Variants in SEL1L observed in about 807,000 individuals in gnomAD.
The protein encoded by SEL1L is SEL1L adaptor subunit of SYVN1 ubiquitin ligase.
Under a neutral mutation model 109.8 loss-of-function variants are expected in SEL1L, and 52 were observed. The ratio of observed to expected loss-of-function variants is 0.47; its 90% CI spans 0.38 to 0.60. The LOEUF (loss-of-function observed/expected upper bound fraction) is 0.60, where lower values mean the gene tolerates loss of function less well. Ranked by LOEUF, SEL1L falls within the 20% of genes least tolerant of loss-of-function variation. SEL1L has a pLI of 0.00. For synonymous variants in SEL1L, 373 were observed against 339.6 expected, an observed-to-expected ratio of 1.10 and a Z score of -1.08; for missense variants, 749 against 962.2, an observed-to-expected ratio of 0.78 and a Z score of 2.93.
chr14:81,510,225 A>G (rs1884406774), intron 3 of SEL1L, among the ~76,000 whole-genome samples: 1 of 152,208 alleles, frequency 6.6e-6, no homozygotes, highest in Non-Finnish European at 1.5e-5. Context: ...TAGATTTAGC[A>G]GTCTGGAGGA....
In SEL1L at chr14:81,492,574, A is replaced by G. The variant is rs756907688; in HGVS notation, c.1186-26T>C. On this transcript the variant is annotated intron_variant, in intron 11 of 20. Coordinates refer to ENST00000336735, the MANE Select transcript of SEL1L (RefSeq NM_005065.6). Reference sequence around the variant, plus strand: ...CTATGAGAAAAGAATTTATTAAAATAATTAGTTTTTAACAGAATCTGCTTT... The same window carrying G: ...CTATGAGAAAAGAATTTATTAAAATGATTAGTTTTTAACAGAATCTGCTTT... 4.7e-6 allele frequency: 7 copies of G among 1,489,878 alleles called. No individual in the cohort carries two copies. The East Asian group carries it at 1.6e-4, about 35-fold the overall frequency. 92.3% of individuals were successfully genotyped at this position (1,489,878 alleles called of 1,614,324 possible).
intron 4 of SEL1L, 28 bp downstream of exon 4, chr14:81,506,046 G>A (rs772981473): frequency 6.2e-7 from 1 of 1,607,402 alleles, no homozygotes; most frequent in South Asian, 1.1e-5. Context: ...AAGCAATGCA[G>A]ATCTGCCTCC....
At chr14:81,479,454 C>G (rs1019428313) in intron 20 of SEL1L, 158 bp downstream of exon 20, 1 of 550,914 alleles carries the variant, frequency 1.8e-6, no homozygotes, top group East Asian at 3.3e-5. Flanking sequence ...TTATCCCTCC[C>G]CTGATAAGGT....
In SEL1L at chr14:81,504,222, T is replaced by C; in HGVS notation, c.593A>G (p.Asn198Ser). ...QTGMKILNGS[N>S]KKSQKREAYR... is the part of the protein sequence containing the mutation. ...CTACTCTCTTTTTTGGCTTTTCTTATTGCTTCCATTAAGGATTTTCATTCC... is the reference window on the plus strand; with the variant it reads ...CTACTCTCTTTTTTGGCTTTTCTTACTGCTTCCATTAAGGATTTTCATTCC... The change falls in exon 5 of 21, where the codon AAT (asparagine) becomes AGT (serine). Residue 198 changes from asparagine to serine, a missense_variant. This residue lies in a region of SEL1L where 366 missense variants were observed against 399.8 expected (regional missense o/e 0.92). Coordinates refer to ENST00000336735, the MANE Select transcript of SEL1L (RefSeq NM_005065.6). 1 of 1,594,050 alleles carries C rather than the reference T, an allele frequency of 6.3e-7. No homozygotes were observed. Among genetic ancestry groups the C allele is most frequent in the Non-Finnish European group, 8.5e-7 (1 of 1,170,320 alleles).
intron 14 of SEL1L, 116 bp from the exon 15 acceptor site, chr14:81,488,058 T>C (rs1385063983): frequency 1.4e-6 from 1 of 706,494 alleles, no homozygotes; most frequent in Non-Finnish European, 2.3e-6. Flanking sequence ...CAAAGAGCCA[T>C]TAAAAAGACC....
intron 3 of SEL1L, among the ~76,000 whole-genome samples, chr14:81,515,744 G>T (rs1404964345): frequency 2.0e-5 from 3 of 152,102 alleles, no homozygotes; most frequent in African/African-American, 7.2e-5. Context: ...GATTCTAAAG[G>T]GTAAGTTTAT....
At chr14:81,515,760 A>T (rs555851517) in intron 3 of SEL1L, among the ~76,000 whole-genome samples, 3 of 152,322 alleles carry the variant, frequency 2.0e-5, no homozygotes, top group African/African-American at 7.2e-5. Context: ...TTTATTACCC[A>T]ATCAGCCGCA....
chr14:81,527,820 T>C (rs1471499035), intron 1 of SEL1L, 82 bp from the exon 2 acceptor site: 3 of 864,990 alleles, frequency 3.5e-6, no homozygotes, highest in Non-Finnish European at 5.6e-6. Flanking sequence ...GTGAAAAGTA[T>C]AGCAAATAAT....
chr14:81,498,374 T>A (rs1276231586), intron 9 of SEL1L, 39 bp downstream of exon 9: 1 of 1,404,770 alleles, frequency 7.1e-7, no homozygotes, highest in South Asian at 1.3e-5. Flanking sequence ...ATTCCATTTA[T>A]TTTTTTTTCC....
chr14:81,520,701 G>T (rs1026555536), intron 3 of SEL1L, among the ~76,000 whole-genome samples: 26 of 152,144 alleles, frequency 1.7e-4, no homozygotes, highest in African/African-American at 5.3e-4. Flanking sequence ...CACACTGAAG[G>T]TATTTACTAT....
At chr14:81,526,298 A>T (rs1227819177) in intron 3 of SEL1L, among the ~76,000 whole-genome samples, 1 of 152,192 alleles carries the variant, frequency 6.6e-6, no homozygotes, top group African/African-American at 2.4e-5. Flanking sequence ...TAAACACCTA[A>T]ATCAAATTAC....
chr14:81,496,662 C>CT (rs1883763802), intron 10 of SEL1L, among the ~76,000 whole-genome samples: 1 of 152,154 alleles, frequency 6.6e-6, no homozygotes, highest in East Asian at 1.9e-4. Context: ...ATCGCTTGAA[C>CT]CCGGGAAGCG....
chr14:81,480,588 G>A (rs551003767), intron 19 of SEL1L, among the ~76,000 whole-genome samples: 9 of 152,188 alleles, frequency 5.9e-5, no homozygotes, highest in East Asian at 3.9e-4. Context: ...GTGTGGTGGC[G>A]CCTGCCTGTA....
chr14:81,505,257 T>C (rs1884193417), intron 4 of SEL1L, among the ~76,000 whole-genome samples: 3 of 152,240 alleles, frequency 2.0e-5, no homozygotes, highest in Admixed American at 2.0e-4. Context: ...AGTTCACCAA[T>C]TTTTCAAACT....
intron 1 of SEL1L, among the ~76,000 whole-genome samples, chr14:81,530,090 G>A (rs565531991): frequency 6.6e-6 from 1 of 152,294 alleles, no homozygotes; most frequent in Admixed American, 6.5e-5. Flanking sequence ...AAACTGCAAA[G>A]TACCAGAGAT....
rs761733920 is a variant in SEL1L, at chr14:81,487,371, C to G, written c.1632+19G>C. On this transcript the variant is annotated intron_variant, in intron 16 of 20. Transcript: ENST00000336735. ...GGCAAATCAACTCCCTACACACAAG[C>G]TGGTAGGAAAGACCTTACCTCCACT... 4 of 1,553,918 alleles carry G rather than the reference C, an allele frequency of 2.6e-6. No individual in the cohort carries two copies. Among genetic ancestry groups the G allele is most frequent in the East Asian group, 4.6e-5 (2 of 43,196 alleles).
rs1288018876 is a variant in SEL1L, at chr14:81,473,213, T to C, written c.*3759A>G. ...TTTATTTTCTAATCAAAGAGAATAGTGTCAGCCTGTTTCTCAAACCAAATA... is the reference window on the plus strand; with the variant it reads ...TTTATTTTCTAATCAAAGAGAATAGCGTCAGCCTGTTTCTCAAACCAAATA... On this transcript the variant is annotated 3_prime_UTR_variant, in exon 21 of 21. Coordinates refer to ENST00000336735, the MANE Select transcript of SEL1L (RefSeq NM_005065.6). 6.6e-6 allele frequency: 1 copy of C among 152,220 alleles called. No individual in the cohort carries two copies. Among genetic ancestry groups the C allele is most frequent in the Admixed American group, 6.5e-5 (1 of 15,274 alleles). The allele number at this position is 152,220 out of a possible 1,614,324, so 9.4% of individuals were successfully genotyped here.
chr14:81,490,487 C>A (rs746433015), intron 12 of SEL1L, 22 bp from the exon 13 acceptor site: 38 of 1,569,504 alleles, frequency 2.4e-5, no homozygotes, highest in Admixed American at 3.3e-5. Flanking sequence ...ATCCCAATTT[C>A]AGTAAGAGCT....
At chr14:81,504,389 C>A in intron 4 of SEL1L, 83 bp from the exon 5 acceptor site, 1 of 941,864 alleles carries the variant, frequency 1.1e-6, no homozygotes, top group African/African-American at 1.7e-5. Flanking sequence ...TTTGGGCAGT[C>A]ATACAAACAA....
Sources: gnomAD v4.1 joint callset for allele counts (sites outside exome capture counted in the v4.1 genomes callset) on GRCh38, gnomAD v4.1.1 for gene constraint, gnomAD v4.1.1 regional missense constraint, MANE v1.5 for transcripts, NCBI Gene and HGNC (gene_info 2026-07-23, HGNC 2026-07-21) for gene names.